Variants in GPATCH2 observed in about 807,000 individuals in gnomAD.
GPATCH2 encodes the protein G patch domain-containing protein 2.
A neutral mutation model predicts 58.0 loss-of-function variants in GPATCH2; 51 were observed. The observed-to-expected ratio is 0.88, with a 90% CI of 0.70 to 1.11. The LOEUF is 1.11. GPATCH2 is among the 50% of genes most tolerant of loss of function. The probability of loss-of-function intolerance (pLI) is 0.00; values close to 1 mark genes in which losing one functional copy is unlikely to be tolerated. For missense variants in GPATCH2, 625 were observed against 652.2 expected (o/e 0.96, Z 0.45); for synonymous variants, 222 against 218.5 (o/e 1.02, Z -0.14).
At chr1:217,595,239 A>C (rs1219038067) in intron 5 of GPATCH2, among the ~76,000 whole-genome samples, 3 of 152,188 alleles carry the variant, frequency 2.0e-5, no homozygotes, top group Non-Finnish European at 2.9e-5. Flanking sequence ...ATCATTTATA[A>C]TTTTAAAGAG....
intron 5 of GPATCH2, among the ~76,000 whole-genome samples, chr1:217,604,344 C>CAA (rs199867558): frequency 9.8e-5 from 10 of 102,528 alleles, no homozygotes; most frequent in South Asian, 3.0e-4. Flanking sequence ...GACTCCATCT[C>CAA]AAAAAAAAAA....
chr1:217,444,366 G>A (rs1166801216), intron 9 of GPATCH2, among the ~76,000 whole-genome samples: 1 of 152,134 alleles, frequency 6.6e-6, no homozygotes, highest in East Asian at 1.9e-4. Flanking sequence ...AGTGAGTGTG[G>A]GGGCTGCTCA....
At chr1:217,501,053 G>A (rs914364417) in intron 6 of GPATCH2, among the ~76,000 whole-genome samples, 3 of 151,818 alleles carry the variant, frequency 2.0e-5, no homozygotes, top group African/African-American at 7.3e-5. Flanking sequence ...TTACTACAAC[G>A]ATCCTTCATG....
chr1:217,445,104 A>T (rs1000702153), intron 9 of GPATCH2, among the ~76,000 whole-genome samples: 1 of 152,202 alleles, frequency 6.6e-6, no homozygotes, highest in African/African-American at 2.4e-5. Flanking sequence ...TGTTCATGAA[A>T]AAAACTACCC....
chr1:217,597,359 C>T (rs1054931982), intron 5 of GPATCH2, among the ~76,000 whole-genome samples: 9 of 148,800 alleles, frequency 6.0e-5, no homozygotes, highest in Non-Finnish European at 1.0e-4. Context: ...AAAAAAAAAA[C>T]GGCAAAATCA....
At chr1:217,536,644 T>G (rs972944040) in intron 5 of GPATCH2, among the ~76,000 whole-genome samples, 3 of 152,146 alleles carry the variant, frequency 2.0e-5, no homozygotes, top group African/African-American at 7.2e-5. Flanking sequence ...CCTCTACAAG[T>G]ACACTAAATC....
intron 5 of GPATCH2, among the ~76,000 whole-genome samples, chr1:217,529,073 T>C (rs78961276): frequency 0.035 from 5,252 of 152,028 alleles, 299 homozygotes; most frequent in African/African-American, 0.12. Flanking sequence ...GGTAAAAGAT[T>C]CCCCTATAAT....
At chr1:217,475,372 G>C (rs1217945192) in intron 8 of GPATCH2, among the ~76,000 whole-genome samples, 1 of 152,196 alleles carries the variant, frequency 6.6e-6, no homozygotes, top group Non-Finnish European at 1.5e-5. Context: ...CTGGGAGGCA[G>C]AGGTTGCAGC....
intron 1 of GPATCH2, among the ~76,000 whole-genome samples, chr1:217,621,443 C>A (rs1669181862): frequency 6.6e-6 from 1 of 152,172 alleles, no homozygotes; most frequent in African/African-American, 2.4e-5. Flanking sequence ...ATATTCTCAA[C>A]AGTCATACAG....
chr1:217,612,042 T>C (rs1558525248), intron 3 of GPATCH2, among the ~76,000 whole-genome samples: 1 of 151,954 alleles, frequency 6.6e-6, no homozygotes, highest in African/African-American at 2.4e-5. Context: ...TAGCCGGGCA[T>C]GATGACATGC....
chr1:217,432,834 G>C (rs1658609048), intron 9 of GPATCH2, among the ~76,000 whole-genome samples: 2 of 152,018 alleles, frequency 1.3e-5, no homozygotes, highest in Non-Finnish European at 2.9e-5. Flanking sequence ...CTTACACCAG[G>C]GCTCAAATTT....
intron 8 of GPATCH2, among the ~76,000 whole-genome samples, chr1:217,483,706 T>C (rs745856434): frequency 1.3e-5 from 2 of 152,254 alleles, no homozygotes; most frequent in Non-Finnish European, 2.9e-5. Context: ...CATTGTGGTT[T>C]TACTTTCCAT....
chr1:217,488,809 A>T (rs1461847093), intron 8 of GPATCH2, among the ~76,000 whole-genome samples: 1 of 151,944 alleles, frequency 6.6e-6, no homozygotes, highest in Non-Finnish European at 1.5e-5. Context: ...CTCCTGCCTC[A>T]GCTTGCTGTG....
At position 217,489,848 on chromosome 1, in the gene GPATCH2, G is replaced by A. The variant is rs190152720; in HGVS notation, c.1277+1832C>T. Among the ~76,000 whole-genome samples, 1,467 of 152,298 alleles carry A rather than the reference G, an allele frequency of 9.6e-3. 11 individuals carry two copies. The highest frequency in any genetic ancestry group is 0.048 in the Middle Eastern group (14 of 294). ...TTGCACTCCAGCCTGGGCAACAAGA[G>A]AGAAACTCCGTCTCAAATAAAAAAG... On this transcript the variant is annotated intron_variant, in intron 8 of 9. Coordinates refer to ENST00000366935, the MANE Select transcript of GPATCH2 (RefSeq NM_018040.5).
chr1:217,564,682 C>T (rs537983828), intron 5 of GPATCH2, among the ~76,000 whole-genome samples: 106 of 152,208 alleles, frequency 7.0e-4, no homozygotes, highest in Non-Finnish European at 8.5e-4. Flanking sequence ...ACCAAGGACA[C>T]GAAATTCCCC....
Position 217,614,172 on chromosome 1 carries a change from A to G in GPATCH2, c.804T>C (p.Ala268=). ...SDSSSLSSTD[A]GLFTNDEGRQ... The stretch of plus-strand genomic sequence containing the variant: ...TTCCCTCATCATTGGTAAACAATCC[A>G]GCATCAGTGCTGCTGAGACTGCTGG... The change falls in exon 3 of 10, where the codon GCT becomes GCC. Residue 268 remains alanine, a synonymous_variant. Transcript: ENST00000366935. The G allele has an allele frequency of 6.3e-7, 1 of 1,585,864 alleles. No individual in the cohort carries two copies. Among genetic ancestry groups the G allele is most frequent in the East Asian group, 2.2e-5 (1 of 44,708 alleles).
chr1:217,582,835 T>C (rs35172354), intron 5 of GPATCH2, among the ~76,000 whole-genome samples: 24,208 of 152,184 alleles, frequency 0.16, 2,448 homozygotes, highest in Non-Finnish European at 0.22. Context: ...TATTTAACAT[T>C]TGACAATAAA....
Position 217,596,484 on chromosome 1 carries a change from T to C in GPATCH2, c.1098+13837A>G, listed in dbSNP as rs1667835005. ...GGAGAGGAGATAATATTGACCTAATTAGGCTTTTTGTGAACATTAAATGAT... is the reference window on the plus strand; with the variant it reads ...GGAGAGGAGATAATATTGACCTAATCAGGCTTTTTGTGAACATTAAATGAT... On this transcript the variant is annotated intron_variant, in intron 5 of 9. Coordinates refer to ENST00000366935, the MANE Select transcript of GPATCH2 (RefSeq NM_018040.5). Among the ~76,000 whole-genome samples, 3 of 152,290 alleles carry C rather than the reference T, an allele frequency of 2.0e-5. No individual in the cohort carries two copies. The South Asian group carries it at 6.2e-4, about 32-fold the overall frequency.
At chr1:217,485,249 A>G (rs1048261879) in intron 8 of GPATCH2, among the ~76,000 whole-genome samples, 2 of 152,164 alleles carry the variant, frequency 1.3e-5, no homozygotes, top group Middle Eastern at 3.2e-3. Context: ...TGTTTTATTC[A>G]GGCCCTTAAT....
Sources: gnomAD v4.1 joint callset for allele counts (sites outside exome capture counted in the v4.1 genomes callset) on GRCh38, gnomAD v4.1.1 for gene constraint, MANE v1.5 for transcripts, NCBI Gene and HGNC (gene_info 2026-07-23, HGNC 2026-07-21) for gene names.